CHD5: variants seen among roughly 807,000 people sequenced by gnomAD.
The protein encoded by CHD5 is ATP-dependent chromatin remodeler CHD5.
A neutral mutation model predicts 230.3 loss-of-function variants in CHD5; 69 were observed. The observed-to-expected ratio is 0.30, with a 90% CI of 0.25 to 0.37. The LOEUF (loss-of-function observed/expected upper bound fraction) is 0.37. Among genes scored for constraint, CHD5 ranks in the 10% least tolerant of loss-of-function variants. CHD5 has a pLI of 1.00. For missense variants in CHD5, 1,827 were observed against 2,622.8 expected (o/e 0.70, Z 6.63); for synonymous variants, 1,064 against 1,065.9 (o/e 1.00, Z 0.03).
chr1:6,111,621 G>A (rs1023709459), intron 36 of CHD5, among the ~76,000 whole-genome samples, 154 bp downstream of exon 36: 1 of 152,006 alleles, frequency 6.6e-6, no homozygotes, highest in Non-Finnish European at 1.5e-5. Flanking sequence ...GGGAGCGGGC[G>A]ACACAGCAAT....
At position 6,142,177 on chromosome 1, in the gene CHD5, G is replaced by A; in HGVS notation, c.2387C>T (p.Ser796Phe). The change falls in exon 15 of 42, where the codon TCC (serine) becomes TTC (phenylalanine). Residue 796 changes from serine (S) to phenylalanine (F), a missense_variant. This residue lies in a region of CHD5 where 80 missense variants were observed against 96.4 expected (regional missense o/e 0.83). Transcript: ENST00000262450. This position sits in a 1 kb window ranked among gnomAD's most constrained non-coding sequence, Gnocchi z 5.2. Reference sequence around the variant, plus strand: ...ACTCCGAATGGCGTTGTCCTCAAAGGAAAACTCGTTCTCCCGAATCACCGA... The same window carrying A: ...ACTCCGAATGGCGTTGTCCTCAAAGAAAAACTCGTTCTCCCGAATCACCGA... ...SRSVIRENEFSFEDNAIRSGK... is the reference protein window; with the variant it reads ...SRSVIRENEFFFEDNAIRSGK... The A allele has an allele frequency of 6.2e-7, 1 of 1,614,116 alleles. No homozygotes were observed. The highest frequency in any genetic ancestry group is 8.5e-7 in the Non-Finnish European group (1 of 1,180,008).
At position 6,125,636 on chromosome 1, in the gene CHD5, C is replaced by T. The variant is rs748215273; in HGVS notation, c.4172-24G>A. ...ACCTGGGGAGCAGCCCGCCACAGTT[C>T]CTCAGGTGGGAGCCCAGAGATTCCT... On this transcript the variant is annotated intron_variant, in intron 27 of 41. Transcript: ENST00000262450. This position sits in a 1 kb window ranked among gnomAD's most constrained non-coding sequence, Gnocchi z 6.7. 6.2e-7 allele frequency: 1 copy of T among 1,613,010 alleles called. No homozygotes were observed. The highest frequency in any genetic ancestry group is 1.1e-5 in the South Asian group (1 of 91,044).
rs1207145574 is a variant in CHD5, at chr1:6,126,772, A to C, written c.3904-26T>G. 8 of 1,605,826 alleles carry C rather than the reference A, an allele frequency of 5.0e-6. No individual in the cohort carries two copies. The Admixed American group carries it at 1.3e-4, about 27-fold the overall frequency. On this transcript the variant is annotated intron_variant, in intron 25 of 41. Transcript: ENST00000262450. This position sits in a 1 kb window ranked among gnomAD's most constrained non-coding sequence, Gnocchi z 5.7. ...CTGGGGACGCAGCACCACGGGTTCC[A>C]TGGGTGGAGCCATCTCTGCCCTCCC...
intron 30 of CHD5, 122 bp from the exon 31 acceptor site, chr1:6,124,229 T>A: frequency 1.0e-6 from 1 of 963,214 alleles, no homozygotes; most frequent in Non-Finnish European, 1.5e-6. Context: ...AGCTGCTACC[T>A]CCGCCCAAGG....
At chr1:6,133,917 G>A (rs1666696986) in intron 20 of CHD5, among the ~76,000 whole-genome samples, 1 of 152,214 alleles carries the variant, frequency 6.6e-6, no homozygotes, top group Non-Finnish European at 1.5e-5. Flanking sequence ...GGTGTGGGGA[G>A]ATGTTGCTCT....
At chr1:6,169,675 T>C (rs1667306316) in intron 1 of CHD5, among the ~76,000 whole-genome samples, 1 of 152,172 alleles carries the variant, frequency 6.6e-6, no homozygotes, top group African/African-American at 2.4e-5. Flanking sequence ...GTAGAGACAC[T>C]TCTGCCCGTG....
Position 6,146,595 on chromosome 1 carries a change from C to G in CHD5, c.1590+70G>C. Reference sequence around the variant, plus strand: ...AGTCAGAGGCGCTTCAGCCCCTTCCCGCCAGCCCAGGAGGGTCCAGGGCTC... The same window carrying G: ...AGTCAGAGGCGCTTCAGCCCCTTCCGGCCAGCCCAGGAGGGTCCAGGGCTC... On this transcript the variant is annotated intron_variant, in intron 10 of 41. Coordinates refer to ENST00000262450, the MANE Select transcript of CHD5 (RefSeq NM_015557.3). This position sits in a 1 kb window ranked among gnomAD's most constrained non-coding sequence, Gnocchi z 5.1. The G allele has an allele frequency of 6.5e-7, 1 of 1,540,066 alleles. No individual in the cohort carries two copies. The highest frequency in any genetic ancestry group is 1.1e-5 in the South Asian group (1 of 89,002).
intron 1 of CHD5, among the ~76,000 whole-genome samples, chr1:6,177,607 G>C (rs547110771): frequency 6.6e-5 from 10 of 152,208 alleles, no homozygotes; most frequent in Admixed American, 5.2e-4. Flanking sequence ...TCCAGCTTGG[G>C]CAACACAGCA....
intron 31 of CHD5, among the ~76,000 whole-genome samples, chr1:6,123,727 C>A (rs1318756133): frequency 6.6e-6 from 1 of 152,106 alleles, no homozygotes; most frequent in Non-Finnish European, 1.5e-5. Flanking sequence ...CCGCGCCCAG[C>A]CAGTTTTTTA....
intron 1 of CHD5, among the ~76,000 whole-genome samples, chr1:6,174,953 A>G (rs1375000172): frequency 7.4e-6 from 1 of 135,030 alleles, no homozygotes; most frequent in Non-Finnish European, 1.6e-5. Context: ...GGGTGGGTGG[A>G]TGGATGGATG....
chr1:6,174,999 C>T (rs111064360), intron 1 of CHD5, among the ~76,000 whole-genome samples: 57 of 78,174 alleles, frequency 7.3e-4, no homozygotes, highest in African/African-American at 5.1e-3. Context: ...GGATGGATGG[C>T]AGATGGATGG....
chr1:6,123,586 C>T (rs1440567018), intron 31 of CHD5, among the ~76,000 whole-genome samples: 1 of 152,046 alleles, frequency 6.6e-6, no homozygotes, highest in Non-Finnish European at 1.5e-5. Context: ...GCCACCATGC[C>T]CGGCTAATCT....
In CHD5 at chr1:6,164,959, G is replaced by T. The variant is rs1432402776; in HGVS notation, c.207+3191C>A. On this transcript the variant is annotated intron_variant, in intron 2 of 41. Coordinates refer to ENST00000262450, the MANE Select transcript of CHD5 (RefSeq NM_015557.3). Reference sequence around the variant, plus strand: ...GAGGAGATGCCGAGAGGTTACCAAGGTGGACACCAAGCACAGGCCAGAGGG... The same window carrying T: ...GAGGAGATGCCGAGAGGTTACCAAGTTGGACACCAAGCACAGGCCAGAGGG... 2.0e-5 allele frequency among the ~76,000 whole-genome samples: 3 copies of T among 152,142 alleles called. No homozygotes were observed. The East Asian group carries it at 5.8e-4, about 29-fold the overall frequency.
intron 36 of CHD5, 144 bp downstream of exon 36, chr1:6,111,631 T>C (rs969411028): frequency 1.5e-4 from 100 of 647,898 alleles, no homozygotes; most frequent in Non-Finnish European, 1.6e-4. Flanking sequence ...GACACAGCAA[T>C]GCCGAGGATT....
At chr1:6,141,192 G>A (rs7529286) in intron 15 of CHD5, among the ~76,000 whole-genome samples, 27,771 of 151,062 alleles carry the variant, frequency 0.18, 2,634 homozygotes, top group African/African-American at 0.21. Context: ...GCTGAGGCAT[G>A]GGAATTGCTT....
chr1:6,122,385 A>C (rs1445012387), intron 31 of CHD5, among the ~76,000 whole-genome samples: 1 of 152,236 alleles, frequency 6.6e-6, no homozygotes, highest in Admixed American at 6.5e-5. Flanking sequence ...ACGCACACCG[A>C]ACAACATTCA....
chr1:6,109,482 C>A (rs908447342), intron 38 of CHD5, among the ~76,000 whole-genome samples: 1 of 152,206 alleles, frequency 6.6e-6, no homozygotes, highest in Non-Finnish European at 1.5e-5. Flanking sequence ...AGACACAGTG[C>A]ATTTAAGTCA....
At chr1:6,136,929 G>A in intron 15 of CHD5, 64 bp from the exon 16 acceptor site, 1 of 1,511,528 alleles carries the variant, frequency 6.6e-7, no homozygotes, top group Non-Finnish European at 8.9e-7. Flanking sequence ...AGTCCCAGGA[G>A]ACAAAGAGCC....
intron 38 of CHD5, among the ~76,000 whole-genome samples, chr1:6,107,916 GAAGATGGA>G (rs1666220116): frequency 7.2e-6 from 1 of 138,108 alleles, no homozygotes; most frequent in Non-Finnish European, 1.6e-5. Flanking sequence ...AGGGATAATG[GAAGATGGA>G]AGGATGGAAG....
Sources: gnomAD v4.1 joint callset for allele counts (sites outside exome capture counted in the v4.1 genomes callset) on GRCh38, gnomAD v4.1.1 for gene constraint, gnomAD v4.1.1 regional missense constraint, Gnocchi (gnomAD v3.1) non-coding constraint, MANE v1.5 for transcripts, NCBI Gene and HGNC (gene_info 2026-07-23, HGNC 2026-07-21) for gene names.